UGT1A10: variants seen among roughly 807,000 people sequenced by gnomAD.
The protein encoded by UGT1A10 is UDP glucuronosyltransferase family 1 member A10, also known as UDP-glucuronosyltransferase 1A10.
Under a neutral mutation model 45.8 loss-of-function variants are expected in UGT1A10, and 49 were observed. That is an observed-to-expected ratio of 1.07 (90% confidence interval 0.85 to 1.36). The LOEUF (loss-of-function observed/expected upper bound fraction) is 1.36. Among genes scored for constraint, UGT1A10 ranks in the 40% most tolerant of loss-of-function variants. The probability of loss-of-function intolerance (pLI) is 0.00; values close to 1 mark genes in which losing one functional copy is unlikely to be tolerated. For missense variants in UGT1A10, 745 were observed against 668.6 expected (o/e 1.11, Z -1.26); for synonymous variants, 284 against 249.7 (o/e 1.14, Z -1.29).
chr2:233,738,766 T>G (rs1690890490), intron 1 of UGT1A10, among the ~76,000 whole-genome samples: 1 of 152,128 alleles, frequency 6.6e-6, no homozygotes, highest in Non-Finnish European at 1.5e-5. Context: ...AAAACCCATT[T>G]TATGGGGAGA....
At chr2:233,701,957 A>T (rs1342088901) in intron 1 of UGT1A10, among the ~76,000 whole-genome samples, 1 of 152,218 alleles carries the variant, frequency 6.6e-6, no homozygotes, top group Non-Finnish European at 1.5e-5. Context: ...GAGCAAACAC[A>T]TTCAAAAGCT....
chr2:233,673,598 C>G (rs1303599385), intron 1 of UGT1A10, among the ~76,000 whole-genome samples: 5 of 152,078 alleles, frequency 3.3e-5, no homozygotes, highest in Non-Finnish European at 5.9e-5. Flanking sequence ...GTATGTCTCA[C>G]TATTTATTCA....
chr2:233,719,292 G>C (rs146073833), intron 1 of UGT1A10: 1 of 1,613,496 alleles, frequency 6.2e-7, no homozygotes, highest in South Asian at 1.1e-5. Flanking sequence ...TAACCTCTGT[G>C]GGGCGGTGCT....
At chr2:233,712,014 A>G (rs1483051058) in intron 1 of UGT1A10, among the ~76,000 whole-genome samples, 1 of 152,208 alleles carries the variant, frequency 6.6e-6, no homozygotes. Context: ...AACCATTCTT[A>G]TCAGAACTTG....
intron 1 of UGT1A10, among the ~76,000 whole-genome samples, chr2:233,667,532 G>A (rs561659960): frequency 3.6e-3 from 548 of 152,258 alleles, no homozygotes; most frequent in Non-Finnish European, 5.0e-3. Context: ...ATTGACAAAT[G>A]GGATCTCATT....
At chr2:233,749,926 G>T (rs946076967) in intron 1 of UGT1A10, among the ~76,000 whole-genome samples, 1 of 151,912 alleles carries the variant, frequency 6.6e-6, no homozygotes, top group African/African-American at 2.4e-5. Flanking sequence ...GTCAATTAAA[G>T]CTCTTTCCTT....
chr2:233,682,686 T>G (rs911094118), intron 1 of UGT1A10: 2 of 1,613,872 alleles, frequency 1.2e-6, no homozygotes, highest in Non-Finnish European at 1.7e-6. Flanking sequence ...CACACATCAA[T>G]TTGGTTGTTG....
chr2:233,656,386 G>A (rs1463243394), intron 1 of UGT1A10, among the ~76,000 whole-genome samples: 9 of 152,226 alleles, frequency 5.9e-5, no homozygotes, highest in African/African-American at 2.4e-5. Context: ...CTTGTCCAAT[G>A]AAAGCAGTAT....
intron 1 of UGT1A10, among the ~76,000 whole-genome samples, chr2:233,642,773 G>A (rs1313038834): frequency 1.3e-5 from 2 of 152,212 alleles, no homozygotes; most frequent in Non-Finnish European, 2.9e-5. Flanking sequence ...ACTTGTAGAT[G>A]TATTGCCTTG....
At chr2:233,687,583 TAAAAAAAAAAAAAA>T (rs71398794) in intron 1 of UGT1A10, among the ~76,000 whole-genome samples, 2,994 of 107,480 alleles carry the variant, frequency 0.028, 123 homozygotes, top group African/African-American at 0.095. Flanking sequence ...ACATTCTTTG[TAAAAAAAAAAAAAA>T]AAAAAAAAAA....
intron 1 of UGT1A10, among the ~76,000 whole-genome samples, chr2:233,640,667 T>C (rs1173413668): frequency 6.6e-6 from 1 of 152,164 alleles, no homozygotes; most frequent in Non-Finnish European, 1.5e-5. Context: ...CAAATGCTGT[T>C]CTTCCATAGT....
At position 233,744,231 on chromosome 2, in the gene UGT1A10, C is replaced by A. The variant is rs577435617; in HGVS notation, c.856-22803C>A. Among the ~76,000 whole-genome samples the A allele has an allele frequency of 9.7e-4, 148 of 151,936 alleles. 3 individuals carry two copies. The highest frequency in any genetic ancestry group is 3.5e-3 in the African/African-American group (144 of 41,218). ...AAAGAGGTTGGGGAAAAGAGAGGGC[C>A]TTGACTTTGGCTGCCTGAAGAACTG... On this transcript the variant is annotated intron_variant, in intron 1 of 4. Transcript: ENST00000344644.
Position 233,760,349 on chromosome 2 carries a change from G to C in UGT1A10, c.856-6685G>C. On this transcript the variant is annotated intron_variant, in intron 1 of 4. Coordinates refer to ENST00000344644, the MANE Select transcript of UGT1A10 (RefSeq NM_019075.4). ...CTGGGCCTGCTGCTGTGTGTGCTGG[G>C]CCCAGTGGTGTCCCATGCTGGGAAG... is the stretch of plus-strand genomic sequence containing the variant. 4 of 1,614,050 alleles carry C rather than the reference G, an allele frequency of 2.5e-6. No homozygotes were observed. The Middle Eastern group carries it at 5.0e-4, about 200-fold the overall frequency.
At chr2:233,718,824 G>A in intron 1 of UGT1A10, 1 of 1,613,508 alleles carries the variant, frequency 6.2e-7, no homozygotes, top group Non-Finnish European at 8.5e-7. Flanking sequence ...TGCTGAGATG[G>A]CCAGAGGACT....
rs762309245 is a variant in UGT1A10 at position 233,767,917 on chromosome 2, A to G, written c.1056A>G (p.Leu352=). The stretch of plus-strand genomic sequence containing the variant: ...ACAACACGATACTTGTTAAGTGGCT[A>G]CCCCAAAACGATCTGCTTGGTATGT... ...LANNTILVKW[L]PQNDLLGHPM... The change falls in exon 3 of 5, where the codon CTA becomes CTG. Residue 352 remains leucine, a synonymous_variant. Coordinates refer to ENST00000344644, the MANE Select transcript of UGT1A10 (RefSeq NM_019075.4). 2 of 1,614,072 alleles carry G rather than the reference A, an allele frequency of 1.2e-6. No homozygotes were observed. The highest frequency in any genetic ancestry group is 2.2e-5 in the East Asian group (1 of 44,896).
chr2:233,649,559 A>T (rs1053598206), intron 1 of UGT1A10, among the ~76,000 whole-genome samples: 8 of 152,182 alleles, frequency 5.3e-5, no homozygotes, highest in African/African-American at 1.9e-4. Flanking sequence ...ATCAGGCTGG[A>T]CATGTTGTTC....
At chr2:233,694,570 C>A (rs1391330789) in intron 1 of UGT1A10, among the ~76,000 whole-genome samples, 1 of 152,164 alleles carries the variant, frequency 6.6e-6, no homozygotes, top group African/African-American at 2.4e-5. Context: ...TTTTAAATTT[C>A]AATGTAAATA....
chr2:233,719,420 C>A (rs755279919), intron 1 of UGT1A10: 9 of 1,613,938 alleles, frequency 5.6e-6, no homozygotes, highest in Non-Finnish European at 6.8e-6. Flanking sequence ...TACTAACGAC[C>A]AATTCAGACC....
intron 1 of UGT1A10, among the ~76,000 whole-genome samples, chr2:233,661,217 C>A (rs1464764261): frequency 6.6e-6 from 1 of 151,610 alleles, no homozygotes; most frequent in Non-Finnish European, 1.5e-5. Context: ...GTCTATTTTC[C>A]TACCTTAATT....
Sources: gnomAD v4.1 joint callset for allele counts (sites outside exome capture counted in the v4.1 genomes callset) on GRCh38, gnomAD v4.1.1 for gene constraint, MANE v1.5 for transcripts, NCBI Gene and HGNC (gene_info 2026-07-23, HGNC 2026-07-21) for gene names.